RUNDC3B: variants seen among roughly 807,000 people sequenced by gnomAD.
The protein encoded by RUNDC3B is RUN domain-containing protein 3B.
Under a neutral mutation model 58.4 loss-of-function variants are expected in RUNDC3B, and 33 were observed. The observed-to-expected ratio is 0.56, with a 90% CI of 0.43 to 0.75. The LOEUF is 0.75. Ranked by LOEUF, RUNDC3B falls within the 30% of genes least tolerant of loss-of-function variation. RUNDC3B has a pLI of 0.00. For synonymous variants in RUNDC3B, 193 were observed against 195.2 expected (o/e 0.99, Z 0.10); for missense variants, 501 against 535.7 (o/e 0.94, Z 0.64).
At chr7:87,755,076 G>A (rs1833288937) in intron 6 of RUNDC3B, among the ~76,000 whole-genome samples, 1 of 150,668 alleles carries the variant, frequency 6.6e-6, no homozygotes. Flanking sequence ...AGGCTGGAGT[G>A]CAGTGCAATG....
At chr7:87,802,954 C>A (rs939514464) in intron 8 of RUNDC3B, among the ~76,000 whole-genome samples, 5 of 152,106 alleles carry the variant, frequency 3.3e-5, no homozygotes, top group Non-Finnish European at 7.4e-5. Context: ...CACTGCACTT[C>A]ACCCTGGGTG....
chr7:87,715,397 T>C (rs981158127), intron 4 of RUNDC3B, among the ~76,000 whole-genome samples: 1 of 131,064 alleles, frequency 7.6e-6, no homozygotes, highest in Admixed American at 8.9e-5. Context: ...TAATATAATA[T>C]ATTTAATATT....
intron 6 of RUNDC3B, among the ~76,000 whole-genome samples, chr7:87,744,697 A>G (rs911590750): frequency 3.3e-5 from 5 of 152,202 alleles, no homozygotes; most frequent in Admixed American, 6.5e-5. Context: ...GAATTCTTTT[A>G]TCAATCATAG....
intron 3 of RUNDC3B, among the ~76,000 whole-genome samples, chr7:87,703,914 GTTTT>G (rs35797972): frequency 2.3e-5 from 1 of 42,974 alleles, no homozygotes; most frequent in East Asian, 8.2e-4. Context: ...TTTTTTTTTG[GTTTT>G]TTTTTTTTTT....
At chr7:87,819,364 C>T (rs954568507) in intron 10 of RUNDC3B, among the ~76,000 whole-genome samples, 2 of 152,104 alleles carry the variant, frequency 1.3e-5, no homozygotes, top group African/African-American at 4.8e-5. Context: ...GCACCCAATA[C>T]AGGAGCACCC....
chr7:87,804,235 A>C (rs913941648), intron 8 of RUNDC3B, among the ~76,000 whole-genome samples: 4 of 152,110 alleles, frequency 2.6e-5, no homozygotes, highest in Non-Finnish European at 5.9e-5. Context: ...TGGGAGAGCA[A>C]ACACAAGGAG....
intron 2 of RUNDC3B, among the ~76,000 whole-genome samples, chr7:87,676,073 A>C (rs1200920674): frequency 2.6e-5 from 4 of 152,078 alleles, no homozygotes; most frequent in African/African-American, 9.7e-5. Context: ...CAAAAAGTTA[A>C]AAAATTAGCC....
At chr7:87,729,284 A>C (rs1463049936) in intron 4 of RUNDC3B, among the ~76,000 whole-genome samples, 1 of 152,162 alleles carries the variant, frequency 6.6e-6, no homozygotes, top group Non-Finnish European at 1.5e-5. Context: ...TCAGAAGTGC[A>C]ATCGCAGTGT....
At chr7:87,820,947 A>G (rs1415066147) in intron 10 of RUNDC3B, among the ~76,000 whole-genome samples, 1 of 151,680 alleles carries the variant, frequency 6.6e-6, no homozygotes, top group Admixed American at 6.6e-5. Flanking sequence ...TGAATGGGCA[A>G]AAACTGGAAG....
chr7:87,821,082 A>G (rs1229259684), intron 10 of RUNDC3B, among the ~76,000 whole-genome samples: 2 of 150,786 alleles, frequency 1.3e-5, no homozygotes, highest in Non-Finnish European at 3.0e-5. Context: ...TTCAATTAGG[A>G]AAAGAGGAAG....
At chr7:87,770,789 G>T (rs1294467795) in intron 7 of RUNDC3B, 40 bp downstream of exon 7, 2 of 1,441,744 alleles carry the variant, frequency 1.4e-6, no homozygotes, top group South Asian at 2.4e-5. Context: ...TTTTATTCTA[G>T]TTATTGCCTT....
chr7:87,772,192 T>C (rs1834321976), intron 7 of RUNDC3B, among the ~76,000 whole-genome samples: 1 of 152,142 alleles, frequency 6.6e-6, no homozygotes, highest in South Asian at 2.1e-4. Flanking sequence ...TTTAATATAA[T>C]TTACTTAGTT....
intron 6 of RUNDC3B, among the ~76,000 whole-genome samples, chr7:87,751,436 T>C (rs1212490464): frequency 6.6e-6 from 1 of 152,220 alleles, no homozygotes; most frequent in African/African-American, 2.4e-5. Context: ...GGTAGCTTGA[T>C]GGGGATGGCA....
chr7:87,682,115 A>G (rs778627203), intron 2 of RUNDC3B, among the ~76,000 whole-genome samples: 42 of 152,210 alleles, frequency 2.8e-4, no homozygotes, highest in Non-Finnish European at 3.8e-4. Context: ...TTGCTCATCC[A>G]TAAGAAGGAA....
rs75327002 is a variant in RUNDC3B, at chr7:87,818,637, T to C, written c.1225+2375T>C. Among the ~76,000 whole-genome samples, 793 of 152,226 alleles carry C rather than the reference T, an allele frequency of 5.2e-3. 2 individuals are homozygous for C. Among genetic ancestry groups the C allele is most frequent in the Non-Finnish European group, 7.7e-3 (522 of 67,994 alleles). On this transcript the variant is annotated intron_variant, in intron 10 of 10. Coordinates refer to ENST00000394654, the MANE Select transcript of RUNDC3B (RefSeq NM_001134405.2). ...CAGCAGACATTAAATAAACTTCAAA[T>C]TGCCTGGGAGTAGAAAAATAAATAC...
At chr7:87,718,016 T>C (rs991710661) in intron 4 of RUNDC3B, among the ~76,000 whole-genome samples, 19 of 152,156 alleles carry the variant, frequency 1.2e-4, no homozygotes, top group African/African-American at 4.6e-4. Context: ...GAATATGATA[T>C]TGATACAATA....
At chr7:87,656,901 T>C (rs1458443671) in intron 2 of RUNDC3B, among the ~76,000 whole-genome samples, 1 of 152,194 alleles carries the variant, frequency 6.6e-6, no homozygotes, top group East Asian at 1.9e-4. Flanking sequence ...TTATTGAGTA[T>C]CTACTATATG....
intron 2 of RUNDC3B, among the ~76,000 whole-genome samples, chr7:87,658,137 A>G (rs1189712319): frequency 6.6e-6 from 1 of 152,190 alleles, no homozygotes; most frequent in Non-Finnish European, 1.5e-5. Context: ...CCATGATTAA[A>G]ATGCTTTGAG....
chr7:87,742,159 A>G (rs1427394196), intron 6 of RUNDC3B, among the ~76,000 whole-genome samples: 2 of 152,160 alleles, frequency 1.3e-5, no homozygotes, highest in Non-Finnish European at 2.9e-5. Flanking sequence ...GTATGTTTCT[A>G]AGGTCTGCTT....
Sources: gnomAD v4.1 joint callset for allele counts (sites outside exome capture counted in the v4.1 genomes callset) on GRCh38, gnomAD v4.1.1 for gene constraint, MANE v1.5 for transcripts, NCBI Gene and HGNC (gene_info 2026-07-23, HGNC 2026-07-21) for gene names.